ACBD6: variants seen among roughly 807,000 people sequenced by gnomAD.
ACBD6 encodes the protein acyl-CoA binding domain containing 6.
Under a neutral mutation model 37.2 loss-of-function variants are expected in ACBD6, and 28 were observed. That is an observed-to-expected ratio of 0.75 (90% CI 0.56 to 1.03). The LOEUF (loss-of-function observed/expected upper bound fraction) is 1.03. Ranked by LOEUF, ACBD6 falls within the 50% of genes least tolerant of loss-of-function variation. The probability of loss-of-function intolerance (pLI) is 0.00; values close to 1 mark genes in which losing one functional copy is unlikely to be tolerated. For missense variants in ACBD6, 340 were observed against 337.4 expected (o/e 1.01, Z -0.06); for synonymous variants, 113 against 126.8 (o/e 0.89, Z 0.73).
chr1:180,334,727 A>G (rs1413019097), intron 6 of ACBD6, among the ~76,000 whole-genome samples: 3 of 152,200 alleles, frequency 2.0e-5, no homozygotes, highest in Non-Finnish European at 4.4e-5. Context: ...TAAAGGAGGA[A>G]GTGCAAACCC....
intron 3 of ACBD6, among the ~76,000 whole-genome samples, chr1:180,484,643 G>A (rs984310095): frequency 2.0e-5 from 3 of 152,096 alleles, no homozygotes; most frequent in Admixed American, 6.5e-5. Flanking sequence ...GGATATACAC[G>A]TGTCAGAGTA....
chr1:180,302,631 CTT>C (rs1440363379), intron 7 of ACBD6, among the ~76,000 whole-genome samples: 1 of 151,922 alleles, frequency 6.6e-6, no homozygotes, highest in East Asian at 1.9e-4. Flanking sequence ...TAGAAAGAGA[CTT>C]AGACTCCCAC....
chr1:180,337,192 C>A (rs1373019739), intron 6 of ACBD6, among the ~76,000 whole-genome samples: 4 of 151,984 alleles, frequency 2.6e-5, no homozygotes, highest in Non-Finnish European at 1.5e-5. Context: ...CTGGCAGAGA[C>A]ACAACAAAAA....
exon 14 of ACBD6, chr1:180,271,776 G>T: frequency 6.3e-7 from 1 of 1,593,698 alleles, no homozygotes; most frequent in South Asian, 1.1e-5. Context: ...AGGGGGTCCT[G>T]GGGGCTTTGG....
intron 6 of ACBD6, among the ~76,000 whole-genome samples, chr1:180,365,826 G>A (rs1007540234): frequency 1.1e-4 from 17 of 151,942 alleles, no homozygotes; most frequent in Admixed American, 5.2e-4. Flanking sequence ...ATTATTTCAC[G>A]GAAAAATTAC....
At chr1:180,330,356 G>A (rs1176827443) in intron 6 of ACBD6, among the ~76,000 whole-genome samples, 3 of 151,548 alleles carry the variant, frequency 2.0e-5, no homozygotes, top group South Asian at 4.2e-4. Context: ...GGAGACTGAG[G>A]CTGTGGTGAG....
downstream of ACBD6, among the ~76,000 whole-genome samples, chr1:180,286,061 C>T (rs1649488949): frequency 6.6e-6 from 1 of 151,954 alleles, no homozygotes; most frequent in Non-Finnish European, 1.5e-5. Flanking sequence ...TCTAAATATA[C>T]AAAATACTGA....
chr1:180,292,521 T>C (rs1649750800), intron 7 of ACBD6, among the ~76,000 whole-genome samples: 1 of 152,186 alleles, frequency 6.6e-6, no homozygotes, highest in African/African-American at 2.4e-5. Context: ...GAATTTTAAT[T>C]TTCAATTGTT....
chr1:180,502,166 G>A lies in ACBD6; in HGVS notation c.101C>T (p.Pro34Leu). 4 of 1,614,124 alleles carry A rather than the reference G, an allele frequency of 2.5e-6. No individual in the cohort carries two copies. Among genetic ancestry groups the A allele is most frequent in the East Asian group, 2.2e-5 (1 of 44,876 alleles). ...DSGEVEFPHS[P>L]EIEETSCLAE... ...CAGGCAACTGGTCTCCTCGATCTCA[G>A]GGCTATGGGGGAACTCCACCTCCCC... Residue 34 changes from proline (P) to leucine (L), a missense_variant, in exon 1 of 8, where the codon CCT (proline) becomes CTT (leucine). Physicochemically the swap from Pro to Leu is moderately conservative, Grantham distance 98 (BLOSUM62 -3). Coordinates refer to ENST00000367595, the MANE Select transcript of ACBD6 (RefSeq NM_032360.4).
intron 6 of ACBD6, among the ~76,000 whole-genome samples, chr1:180,391,011 T>G (rs1654056683): frequency 6.6e-6 from 1 of 152,304 alleles, no homozygotes; most frequent in African/African-American, 2.4e-5. Context: ...ATTAAGAATC[T>G]AGAAATAAAC....
At chr1:180,405,065 T>C (rs1466140171) in intron 5 of ACBD6, among the ~76,000 whole-genome samples, 2 of 152,194 alleles carry the variant, frequency 1.3e-5, no homozygotes, top group African/African-American at 2.4e-5. Context: ...CTTAATCAAC[T>C]ATATAACCAA....
At position 180,345,454 on chromosome 1, in the gene ACBD6, T is replaced by A. The variant is rs1032733329; in HGVS notation, c.664-30732A>T. On this transcript the variant is annotated intron_variant, in intron 6 of 7. Transcript: ENST00000367595. ...TAAATCATTTAGAAAATGAAAAGAT[T>A]TATAAATCTTTTAGAAAAAATAAAA... 2.6e-5 allele frequency among the ~76,000 whole-genome samples: 4 copies of A among 152,260 alleles called. No individual in the cohort carries two copies. The South Asian group carries it at 8.3e-4, about 32-fold the overall frequency.
chr1:180,449,357 G>C (rs1437604316), intron 3 of ACBD6, among the ~76,000 whole-genome samples: 1 of 151,286 alleles, frequency 6.6e-6, no homozygotes, highest in African/African-American at 2.4e-5. Context: ...AAATGTGCAA[G>C]CAACCCATAT....
In ACBD6 at chr1:180,465,651, T is replaced by C. The variant is rs1418723210; in HGVS notation, c.384+26618A>G. On this transcript the variant is annotated intron_variant, in intron 3 of 7. Coordinates refer to ENST00000367595, the MANE Select transcript of ACBD6 (RefSeq NM_032360.4). ...AGAACTACCATTCAACCCAGTAATC[T>C]CATTACTGGGTATATACCCGGAGGA... Among the ~76,000 whole-genome samples the C allele has an allele frequency of 3.3e-5, 5 of 152,056 alleles. No individual in the cohort carries two copies. The East Asian group carries it at 9.6e-4, about 29-fold the overall frequency.
chr1:180,291,568 A>G (rs1320253083), intron 7 of ACBD6, among the ~76,000 whole-genome samples: 3 of 152,070 alleles, frequency 2.0e-5, no homozygotes, highest in Non-Finnish European at 4.4e-5. Context: ...TCATTTTCTT[A>G]TAAGAGGTCT....
intron 7 of ACBD6, among the ~76,000 whole-genome samples, chr1:180,296,469 G>T (rs551183875): frequency 6.6e-6 from 1 of 152,062 alleles, no homozygotes; most frequent in African/African-American, 2.4e-5. Context: ...TCACTCTGTC[G>T]CCCAGGTTGG....
chr1:180,437,949 G>C (rs1649118881), intron 3 of ACBD6, among the ~76,000 whole-genome samples: 1 of 152,142 alleles, frequency 6.6e-6, no homozygotes, highest in African/African-American at 2.4e-5. Flanking sequence ...TGTTAGAGTA[G>C]GGGTCCCCAA....
Position 180,374,472 on chromosome 1 carries a change from A to G in ACBD6, c.663+23044T>C, listed in dbSNP as rs376973019. ...CAATGTGTGAGAGAATCAAGGATTA[A>G]GAAAATAATTTGAAGGCTAAGAGTG... On this transcript the variant is annotated intron_variant, in intron 6 of 7. Transcript: ENST00000367595. Among the ~76,000 whole-genome samples the G allele has an allele frequency of 8.5e-5, 13 of 152,256 alleles. 1 individual carries two copies. In the East Asian group the frequency reaches 1.7e-3, roughly 20 times the overall value.
intron 7 of ACBD6, among the ~76,000 whole-genome samples, chr1:180,313,629 C>T (rs1650678946): frequency 6.6e-6 from 1 of 152,184 alleles, no homozygotes; most frequent in Non-Finnish European, 1.5e-5. Flanking sequence ...TGTATTCCTT[C>T]CCAAAAGGTT....
Sources: allele counts gnomAD v4.1 joint callset (sites outside exome capture counted in the v4.1 genomes callset), GRCh38; gene constraint gnomAD v4.1.1; transcripts MANE v1.5; gene names NCBI Gene and HGNC (gene_info 2026-07-23, HGNC 2026-07-21).